PIPOX: variants seen among roughly 807,000 people sequenced by gnomAD.
PIPOX encodes the protein peroxisomal sarcosine oxidase.
Under a neutral mutation model 47.9 loss-of-function variants are expected in PIPOX, and 45 were observed. That is an observed-to-expected ratio of 0.94 (90% CI 0.74 to 1.20). The LOEUF is 1.20. PIPOX is among the 50% of genes most tolerant of loss of function. The pLI is 0.00. For synonymous variants in PIPOX, 165 were observed against 191.3 expected, an observed-to-expected ratio of 0.86 and a Z score of 1.13; for missense variants, 458 against 498.4, an observed-to-expected ratio of 0.92 and a Z score of 0.77.
intron 2 of PIPOX, among the ~76,000 whole-genome samples, chr17:29,049,300 C>G (rs976468872): frequency 6.6e-6 from 1 of 152,162 alleles, no homozygotes; most frequent in Non-Finnish European, 1.5e-5. Context: ...GTAGCTAGTC[C>G]TGACCATTCA....
In PIPOX at chr17:29,056,160, C is replaced by T. The variant is rs2152699071; in HGVS notation, c.1043-15C>T. 6.2e-7 allele frequency: 1 copy of T among 1,613,964 alleles called. No homozygotes were observed. The highest frequency in any genetic ancestry group is 2.2e-5 in the East Asian group (1 of 44,880). On this transcript the variant is annotated splice_polypyrimidine_tract_variant and intron_variant, in intron 7 of 7. Transcript: ENST00000323372. ...GTCTGTGAAGCTGCCTGAGAGTCTG[C>T]TCTTCCCTTCCTAGGGCACGGGTTC... is the stretch of plus-strand genomic sequence containing the variant.
intron 2 of PIPOX, among the ~76,000 whole-genome samples, chr17:29,051,667 T>G (rs2065806927): frequency 6.6e-6 from 1 of 152,012 alleles, no homozygotes; most frequent in Non-Finnish European, 1.5e-5. Context: ...AGAAACAGCT[T>G]TCACTCCCTT....
chr17:29,053,107 G>A lies in PIPOX; in HGVS notation c.451G>A (p.Ala151Thr), dbSNP rs775609790. Residue 151 changes from alanine to threonine, a missense_variant, in exon 3 of 8, where the codon GCA (alanine) becomes ACA (threonine). Physicochemically the swap from Ala to Thr is moderately conservative, Grantham distance 58. Coordinates refer to ENST00000323372, the MANE Select transcript of PIPOX (RefSeq NM_016518.3). ...GGACAATTCCGGAGGAGTTATCTATGCATATAAGGCCCTCAGAGCCCTGCA... is the reference window on the plus strand; with the variant it reads ...GGACAATTCCGGAGGAGTTATCTATACATATAAGGCCCTCAGAGCCCTGCA... ...LLDNSGGVIYAYKALRALQDA... is the reference protein window; with the variant it reads ...LLDNSGGVIYTYKALRALQDA... The A allele has an allele frequency of 3.1e-6, 5 of 1,614,042 alleles. No homozygotes were observed. Among genetic ancestry groups the A allele is most frequent in the Non-Finnish European group, 4.2e-6 (5 of 1,180,032 alleles).
At chr17:29,043,807 GT>G (rs775727050) in intron 1 of PIPOX, among the ~76,000 whole-genome samples, 42 of 147,722 alleles carry the variant, frequency 2.8e-4, no homozygotes, top group African/African-American at 3.4e-4. Flanking sequence ...AGAAGCTTCT[GT>G]TTTTTTTTTT....
intron 4 of PIPOX, among the ~76,000 whole-genome samples, chr17:29,054,252 A>G (rs888987547): frequency 1.3e-5 from 2 of 152,222 alleles, no homozygotes; most frequent in African/African-American, 2.4e-5. Flanking sequence ...TAAGCACTCA[A>G]TAAACCTGAG....
Position 29,056,361 on chromosome 17 carries a change from G to T in PIPOX, c.*56G>T. On this transcript the variant is annotated 3_prime_UTR_variant, in exon 8 of 8. Coordinates refer to ENST00000323372, the MANE Select transcript of PIPOX (RefSeq NM_016518.3). ...AGGAGCCAGTTTCACAGATGGAGAA[G>T]ATGTCTCAGATGAAGGGAGTGTCCC... 6.2e-7 allele frequency: 1 copy of T among 1,600,316 alleles called. No individual in the cohort carries two copies. The highest frequency in any genetic ancestry group is 8.6e-7 in the Non-Finnish European group (1 of 1,168,314).
Position 29,055,870 on chromosome 17 carries a change from A to T in PIPOX, c.1024A>T (p.Ile342Phe), listed in dbSNP as rs754190856. The change falls in exon 7 of 8, where the codon ATT (isoleucine) becomes TTT (phenylalanine). Residue 342 changes from isoleucine to phenylalanine, a missense_variant. Ile to Phe is a conservative substitution (Grantham distance 21). Coordinates refer to ENST00000323372, the MANE Select transcript of PIPOX (RefSeq NM_016518.3). ...DRHPKYDNIV[I>F]GAGFSGHGFK... Reference sequence around the variant, plus strand: ...CCACCCAAAGTATGACAACATTGTCATTGGTGCTGGATTCTCTGGTGAGTC... The same window carrying T: ...CCACCCAAAGTATGACAACATTGTCTTTGGTGCTGGATTCTCTGGTGAGTC... 1.2e-6 allele frequency: 2 copies of T among 1,613,916 alleles called. No homozygotes were observed. The highest frequency in any genetic ancestry group is 1.7e-6 in the Non-Finnish European group (2 of 1,179,796).
chr17:29,055,177 G>A lies in PIPOX; in HGVS notation c.922G>A (p.Asp308Asn), dbSNP rs2065822826. The change falls in exon 6 of 8, where the codon GAT becomes AAT. Residue 308 changes from aspartate to asparagine, a missense_variant. Asp to Asn is a conservative substitution (Grantham distance 23, BLOSUM62 1). Coordinates refer to ENST00000323372, the MANE Select transcript of PIPOX (RefSeq NM_016518.3). ...LSSFVRDHLP[D>N]LKPEPAVIES... ...CAGCTTTGTCAGAGATCACTTACCTGATCTGAAGCCCGAGCCTGCTGTCAT... is the reference window on the plus strand; with the variant it reads ...CAGCTTTGTCAGAGATCACTTACCTAATCTGAAGCCCGAGCCTGCTGTCAT... 6.2e-7 allele frequency: 1 copy of A among 1,614,180 alleles called. No individual in the cohort carries two copies. The highest frequency in any genetic ancestry group is 1.3e-5 in the African/African-American group (1 of 75,048).
chr17:29,056,432 C>G lies in PIPOX; in HGVS notation c.*127C>G. On this transcript the variant is annotated 3_prime_UTR_variant, in exon 8 of 8. Coordinates refer to ENST00000323372, the MANE Select transcript of PIPOX (RefSeq NM_016518.3). ...CTGCCTCGCCTGAATCCCCCATAAA[C>G]ACCAGATGATTGAGTCTACCTTCTT... The G allele has an allele frequency of 9.3e-7, 1 of 1,070,978 alleles. No homozygotes were observed. The highest frequency in any genetic ancestry group is 1.4e-6 in the Non-Finnish European group (1 of 739,906). 66.3% of individuals were successfully genotyped at this position (1,070,978 alleles called of 1,614,324 possible).
intron 3 of PIPOX, 21 bp from the exon 4 acceptor site, chr17:29,053,392 T>G (rs996840349): frequency 1.1e-5 from 17 of 1,601,216 alleles, no homozygotes; most frequent in Non-Finnish European, 1.5e-5. Flanking sequence ...AATTCACCTT[T>G]CCCTGCTCCT....
rs762541074 is a variant in PIPOX, at chr17:29,044,910, C to T, written c.166C>T (p.Arg56Ter). 3.6e-5 allele frequency: 58 copies of T among 1,613,980 alleles called. 1 individual carries two copies. Among genetic ancestry groups the T allele is most frequent in the South Asian group, 1.1e-4 (10 of 91,068 alleles). ...CTCCCATGGACAAAGCCGGATAATC[C>T]GAAAGGCGTACCTGGAAGACTTTTA... ...GSSHGQSRII[R>*]KAYLEDFYTR... The change falls in exon 2 of 8, where the codon CGA (arginine) becomes TGA (stop). Residue 56 changes from arginine (R) to a stop codon, truncating the protein, a stop_gained. Coordinates refer to ENST00000323372, the MANE Select transcript of PIPOX (RefSeq NM_016518.3). LOFTEE classifies it high-confidence loss of function.
In PIPOX at chr17:29,055,091, A is replaced by C. The variant is rs1157630069; in HGVS notation, c.836A>C (p.Asp279Ala). ...AGCTATCACCACGGCAACCACGCAG[A>C]CCCTGAGGAGCGGGACTGCCCCACA... ...KVSYHHGNHADPEERDCPTAR... is the reference protein window; with the variant it reads ...KVSYHHGNHAAPEERDCPTAR... The change falls in exon 6 of 8, where the codon GAC becomes GCC. Residue 279 changes from aspartate (D) to alanine (A), a missense_variant. Coordinates refer to ENST00000323372, the MANE Select transcript of PIPOX (RefSeq NM_016518.3). 6.2e-7 allele frequency: 1 copy of C among 1,614,084 alleles called. No individual in the cohort carries two copies. Among genetic ancestry groups the C allele is most frequent in the Non-Finnish European group, 8.5e-7 (1 of 1,179,998 alleles).
intron 2 of PIPOX, among the ~76,000 whole-genome samples, chr17:29,049,262 C>T (rs2065796675): frequency 6.6e-6 from 1 of 152,174 alleles, no homozygotes; most frequent in Admixed American, 6.5e-5. Context: ...TCCCTGGCAA[C>T]CCATGTGCTG....
At chr17:29,048,879 A>G (rs2065795125) in intron 2 of PIPOX, among the ~76,000 whole-genome samples, 1 of 152,144 alleles carries the variant, frequency 6.6e-6, no homozygotes. Flanking sequence ...CCCCATTCGA[A>G]TCCCTTCCCC....
chr17:29,054,523 C>T (rs1425082243), intron 4 of PIPOX, 22 bp from the exon 5 acceptor site: 2 of 1,611,784 alleles, frequency 1.2e-6, no homozygotes, highest in Non-Finnish European at 8.5e-7. Context: ...CTTCATTTCC[C>T]ACTTCCTCTC....
chr17:29,047,201 A>G (rs1240435452), intron 2 of PIPOX, among the ~76,000 whole-genome samples: 1 of 152,196 alleles, frequency 6.6e-6, no homozygotes, highest in Admixed American at 6.5e-5. Flanking sequence ...GAGGCAGAAG[A>G]ATCGCTTGAA....
intron 3 of PIPOX, 57 bp from the exon 4 acceptor site, chr17:29,053,356 C>CA: frequency 6.5e-7 from 1 of 1,541,062 alleles, no homozygotes; most frequent in Non-Finnish European, 8.9e-7. Flanking sequence ...GCTTTCTGTC[C>CA]ACCAGGGTGA....
intron 2 of PIPOX, 105 bp from the exon 3 acceptor site, chr17:29,052,815 C>T: frequency 2.1e-6 from 2 of 938,720 alleles, no homozygotes; most frequent in Non-Finnish European, 1.7e-6. Context: ...TCAAGTCATC[C>T]TCCTGCCTCA....
In PIPOX at chr17:29,054,930, C is replaced by T. The variant is rs971446207; in HGVS notation, c.808-133C>T. 2.4e-6 allele frequency: 3 copies of T among 1,273,652 alleles called. No individual in the cohort carries two copies. The African/African-American group carries it at 4.4e-5, about 19-fold the overall frequency. 78.9% of individuals were successfully genotyped at this position (1,273,652 alleles called of 1,614,324 possible). On this transcript the variant is annotated intron_variant, in intron 5 of 7. Transcript: ENST00000323372. ...CAGCTAAGCAGCCTCAGGTGACAGC[C>T]CACAGCACCTGCCAGGAGTGGGGAA...
Sources: allele counts gnomAD v4.1 joint callset (sites outside exome capture counted in the v4.1 genomes callset), GRCh38; gene constraint gnomAD v4.1.1; transcripts MANE v1.5; gene names NCBI Gene and HGNC (gene_info 2026-07-23, HGNC 2026-07-21).